Variants in GADL1 observed in about 807,000 individuals in gnomAD.
The protein encoded by GADL1 is GAD like acidic amino acid decarboxylase 1.
Under a neutral mutation model 69.5 loss-of-function variants are expected in GADL1, and 71 were observed. The observed-to-expected ratio is 1.02, with a 90% CI of 0.84 to 1.25. GADL1 has a LOEUF of 1.25. Ranked by LOEUF, GADL1 falls within the 50% of genes most tolerant of loss-of-function variation. GADL1 has a pLI of 0.00. For missense variants in GADL1, 737 were observed against 631.8 expected (o/e 1.17, Z -1.79); for synonymous variants, 254 against 214.4 (o/e 1.18, Z -1.62).
chr3:30,806,208 A>C (rs1019477936), intron 11 of GADL1, among the ~76,000 whole-genome samples: 1 of 152,128 alleles, frequency 6.6e-6, no homozygotes, highest in Non-Finnish European at 1.5e-5. Context: ...CCATATTTAC[A>C]TGCAAAAAAA....
chr3:30,839,433 C>A (rs575601832), intron 8 of GADL1, among the ~76,000 whole-genome samples: 2 of 146,588 alleles, frequency 1.4e-5, no homozygotes, highest in South Asian at 4.3e-4. Context: ...GCTGCAACAG[C>A]AAACTGACAT....
chr3:30,811,047 C>A (rs145259419), intron 11 of GADL1, among the ~76,000 whole-genome samples: 1 of 152,248 alleles, frequency 6.6e-6, no homozygotes, highest in African/African-American at 2.4e-5. Flanking sequence ...TCAAGACTCC[C>A]CTTCCCCTTC....
chr3:30,883,250 T>C (rs762148492), intron 1 of GADL1, among the ~76,000 whole-genome samples: 34 of 151,906 alleles, frequency 2.2e-4, no homozygotes, highest in Non-Finnish European at 3.4e-4. Flanking sequence ...GCTTTCTCTT[T>C]TTGTTTCCTG....
In GADL1 at chr3:30,787,392, C is replaced by T. The variant is rs145110385; in HGVS notation, c.1251-986G>A. Among the ~76,000 whole-genome samples the T allele has an allele frequency of 3.9e-3, 589 of 152,276 alleles. 2 individuals are homozygous for T. The highest frequency in any genetic ancestry group is 6.9e-3 in the Non-Finnish European group (466 of 68,002). The stretch of plus-strand genomic sequence containing the variant: ...GGTGCCCTATATAATATTGACTCCT[C>T]TCTTCTAGGCTTGGCTTTTGTCTGT... On this transcript the variant is annotated intron_variant, in intron 12 of 14. Coordinates refer to ENST00000282538, the MANE Select transcript of GADL1 (RefSeq NM_207359.3).
intron 14 of GADL1, among the ~76,000 whole-genome samples, chr3:30,739,364 C>T (rs1323568953): frequency 6.6e-6 from 1 of 152,084 alleles, no homozygotes; most frequent in African/African-American, 2.4e-5. Flanking sequence ...TATCTACCTG[C>T]CCCCACCTGC....
intron 2 of GADL1, among the ~76,000 whole-genome samples, chr3:30,860,928 C>T (rs549951091): frequency 1.3e-5 from 2 of 151,878 alleles, no homozygotes; most frequent in Non-Finnish European, 2.9e-5. Context: ...ATAGTATCTG[C>T]CTTTTAGTGC....
chr3:30,741,952 C>T (rs1319348700), intron 14 of GADL1, among the ~76,000 whole-genome samples: 1 of 152,144 alleles, frequency 6.6e-6, no homozygotes, highest in Non-Finnish European at 1.5e-5. Flanking sequence ...CCAAGTTCAA[C>T]TCTCCTAAGC....
chr3:30,840,614 T>A (rs1340489430), intron 8 of GADL1, among the ~76,000 whole-genome samples: 1 of 152,242 alleles, frequency 6.6e-6, no homozygotes, highest in Non-Finnish European at 1.5e-5. Context: ...CCATTTAAGT[T>A]GTCTTTAATG....
chr3:30,861,499 T>C (rs1698320081), intron 2 of GADL1, 94 bp downstream of exon 2: 1 of 839,792 alleles, frequency 1.2e-6, no homozygotes, highest in African/African-American at 1.7e-5. Flanking sequence ...AAATAAAAAC[T>C]TGGCCTTCCC....
intron 14 of GADL1, among the ~76,000 whole-genome samples, chr3:30,752,563 C>A (rs192921856): frequency 6.6e-6 from 1 of 152,128 alleles, no homozygotes; most frequent in African/African-American, 2.4e-5. Flanking sequence ...ACTCATAAAC[C>A]CAGTCTCGAG....
chr3:30,755,024 T>C (rs1695934869), intron 14 of GADL1, among the ~76,000 whole-genome samples: 2 of 152,150 alleles, frequency 1.3e-5, no homozygotes, highest in Non-Finnish European at 2.9e-5. Context: ...AGATTTCTGG[T>C]TGAAGAATAT....
At chr3:30,877,764 T>G (rs1230568765) in intron 1 of GADL1, among the ~76,000 whole-genome samples, 2 of 151,958 alleles carry the variant, frequency 1.3e-5, no homozygotes, top group Admixed American at 1.3e-4. Context: ...GACTTTTGTC[T>G]GTTAAAGGGG....
chr3:30,801,651 G>C (rs1235942635), intron 11 of GADL1, among the ~76,000 whole-genome samples: 2 of 152,130 alleles, frequency 1.3e-5, no homozygotes, highest in African/African-American at 2.4e-5. Context: ...AGGGCCTTTT[G>C]TGTTTGTCTC....
chr3:30,807,598 G>C (rs571307030), intron 11 of GADL1, among the ~76,000 whole-genome samples: 155 of 152,320 alleles, frequency 1.0e-3, no homozygotes, highest in Non-Finnish European at 2.0e-3. Context: ...GGGATGCTAG[G>C]TGGACTTGAG....
At chr3:30,833,819 T>A in intron 11 of GADL1, 34 bp downstream of exon 11, 3 of 1,519,700 alleles carry the variant, frequency 2.0e-6, no homozygotes, top group Non-Finnish European at 2.7e-6. Flanking sequence ...CTTAACCCCC[T>A]TGAAGCCCAA....
chr3:30,782,509 ACACTT>A (rs769963206), intron 13 of GADL1, among the ~76,000 whole-genome samples: 128 of 152,262 alleles, frequency 8.4e-4, no homozygotes, highest in Admixed American at 2.2e-3. Flanking sequence ...GGAAAATACT[ACACTT>A]AAGTTTTTAG....
chr3:30,881,771 A>C (rs1698645741), intron 1 of GADL1, among the ~76,000 whole-genome samples: 2 of 151,950 alleles, frequency 1.3e-5, no homozygotes, highest in Admixed American at 1.3e-4. Context: ...CTCATGTTGA[A>C]ATTTAATTGC....
chr3:30,873,873 A>G (rs780237610), intron 1 of GADL1, among the ~76,000 whole-genome samples: 9 of 151,916 alleles, frequency 5.9e-5, no homozygotes, highest in Non-Finnish European at 8.8e-5. Context: ...CTCAATGCAC[A>G]TGTTGTAACA....
At chr3:30,868,844 T>C (rs546534476) in intron 1 of GADL1, among the ~76,000 whole-genome samples, 43 of 151,852 alleles carry the variant, frequency 2.8e-4, no homozygotes, top group African/African-American at 9.9e-4. Context: ...AGGACAGAAA[T>C]GAGAAACAAT....
Sources: gnomAD v4.1 joint callset for allele counts (sites outside exome capture counted in the v4.1 genomes callset) on GRCh38, gnomAD v4.1.1 for gene constraint, MANE v1.5 for transcripts, NCBI Gene and HGNC (gene_info 2026-07-23, HGNC 2026-07-21) for gene names.